Variants in SCARF1 observed in about 807,000 individuals in gnomAD.
The protein encoded by SCARF1 is acetyl LDL receptor.
A neutral mutation model predicts 76.3 loss-of-function variants in SCARF1; 49 were observed. The ratio of observed to expected loss-of-function variants is 0.64; its 90% CI spans 0.51 to 0.81. SCARF1 has a LOEUF of 0.81. Among genes scored for constraint, SCARF1 ranks in the 40% least tolerant of loss-of-function variants. The pLI, the probability that SCARF1 is intolerant of heterozygous loss-of-function variation, is 0.00. For synonymous variants in SCARF1, 495 were observed against 474.6 expected (o/e 1.04, Z -0.56); for missense variants, 1,098 against 1,143.9 (o/e 0.96, Z 0.58).
At chr17:1,639,437 G>A (rs1185821145) in intron 7 of SCARF1, among the ~76,000 whole-genome samples, 2 of 151,840 alleles carry the variant, frequency 1.3e-5, no homozygotes, top group Non-Finnish European at 2.9e-5. Context: ...CCTGGGAGGT[G>A]GAGGTTGCAG....
At position 1,640,522 on chromosome 17, in the gene SCARF1, G is replaced by A. The variant is rs757033579; in HGVS notation, c.936C>T (p.His312=). 14 of 1,596,034 alleles carry A rather than the reference G, an allele frequency of 8.8e-6. No individual in the cohort carries two copies. The Admixed American group carries it at 1.9e-4, about 21-fold the overall frequency. Reference sequence around the variant, plus strand: ...GCTCACAGGCCTCCCCATGTCGGCAGTGAGGGCACTGCTGTTCGCAGCTCT... The same window carrying A: ...GCTCACAGGCCTCCCCATGTCGGCAATGAGGGCACTGCTGTTCGCAGCTCT... ...FGESCEQQCP[H]CRHGEACEPD... The change falls in exon 5 of 11, where the codon CAC becomes CAT. Residue 312 remains histidine (H), a synonymous_variant. Transcript: ENST00000263071. The surrounding 1 kb of genome is among the most constrained non-coding windows in gnomAD (Gnocchi z 4.7).
rs1174255236 is a variant in SCARF1 at position 1,643,752 on chromosome 17, G to A, written c.481C>T (p.Arg161Cys). 1.5e-6 allele frequency: 2 copies of A among 1,292,810 alleles called. No homozygotes were observed. The highest frequency in any genetic ancestry group is 2.0e-6 in the Non-Finnish European group (2 of 1,024,740). 80.1% of individuals were successfully genotyped at this position (1,292,810 alleles called of 1,614,324 possible). The change falls in exon 4 of 11, where the codon CGC becomes TGC. Residue 161 changes from arginine to cysteine, a missense_variant. Arg to Cys is a radical substitution (Grantham distance 180). Transcript: ENST00000263071. Reference sequence around the variant, plus strand: ...GCCGCGGTGTTGCACTGGCACGGGCGGCGGCACGTGGACGACCACCAGCCG... The same window carrying A: ...GCCGCGGTGTTGCACTGGCACGGGCAGCGGCACGTGGACGACCACCAGCCG... The part of the protein sequence containing the change: ...EPGWWSSTCR[R>C]PCQCNTAAAR...
chr17:1,643,351 G>GC (rs1390208139), intron 4 of SCARF1, 91 bp downstream of exon 4: 2 of 62,984 alleles, frequency 3.2e-5, no homozygotes. Context: ...CCCTGTCTCC[G>GC]CCCCGCCCCC....
In SCARF1 at chr17:1,643,736, T is replaced by A; in HGVS notation, c.497A>T (p.Asn166Ile). 2 of 1,317,628 alleles carry A rather than the reference T, an allele frequency of 1.5e-6. No individual in the cohort carries two copies. Among genetic ancestry groups the A allele is most frequent in the East Asian group, 6.3e-5 (2 of 31,660 alleles). 81.6% of individuals were successfully genotyped at this position (1,317,628 alleles called of 1,614,324 possible). A position where few individuals can be genotyped will look rare whatever the true frequency, so the allele number is the denominator to read the frequency against. The change falls in exon 4 of 11, where the codon AAC (asparagine) becomes ATC (isoleucine). Residue 166 changes from asparagine to isoleucine, a missense_variant. Transcript: ENST00000263071. ...CTGCTCGCAGCGCGCCGCCGCGGTG[T>A]TGCACTGGCACGGGCGGCGGCACGT... ...SSTCRRPCQC[N>I]TAAARCEQAT...
At position 1,635,596 on chromosome 17, in the gene SCARF1, G is replaced by C. The variant is rs1432289119; in HGVS notation, c.1655C>G (p.Ala552Gly). The change falls in exon 11 of 11, where the codon GCA becomes GGA. Residue 552 changes from alanine to glycine, a missense_variant. Coordinates refer to ENST00000263071, the MANE Select transcript of SCARF1 (RefSeq NM_003693.4). ...AGCCAGGCTGGCCTCTGACGACCCT[G>C]CCTGGGCCACAGGGACCATCCCTGG... ...PQEGMVPVAQ[A>G]GSSEASLAAG... 6.2e-7 allele frequency: 1 copy of C among 1,603,150 alleles called. No individual in the cohort carries two copies. The highest frequency in any genetic ancestry group is 1.1e-5 in the South Asian group (1 of 91,008).
rs752556105 is a variant in SCARF1 at position 1,644,945 on chromosome 17, ACC to A, written c.164-12_164-11del. On this transcript the variant is annotated splice_polypyrimidine_tract_variant and intron_variant, in intron 2 of 10. Transcript: ENST00000263071. This position sits in a 1 kb window ranked among gnomAD's most constrained non-coding sequence, Gnocchi z 4.8. ...GGCCCCTCACAGATGGCTGAAAGAC[ACC>A]CCACCCAGGTTGGAAAGACGGGAGC... is the stretch of plus-strand genomic sequence containing the variant. 1.1e-5 allele frequency: 17 copies of A among 1,611,756 alleles called. No individual in the cohort carries two copies. The highest frequency in any genetic ancestry group is 1.4e-5 in the Non-Finnish European group (17 of 1,179,324).
At position 1,640,235 on chromosome 17, in the gene SCARF1, G is replaced by T. The variant is rs942266189; in HGVS notation, c.1011-195C>A. The stretch of plus-strand genomic sequence containing the variant: ...GTGACAGACTACAAGTCCCCAGAGG[G>T]CGAGGAGGGCAGGAAGCCTCAGAGG... On this transcript the variant is annotated intron_variant, in intron 5 of 10. Transcript: ENST00000263071. The surrounding 1 kb of genome is among the most constrained non-coding windows in gnomAD (Gnocchi z 4.7). 1 of 776,304 alleles carries T rather than the reference G, an allele frequency of 1.3e-6. No homozygotes were observed. The highest frequency in any genetic ancestry group is 2.0e-6 in the Non-Finnish European group (1 of 495,502). 48.1% of individuals were successfully genotyped at this position (776,304 alleles called of 1,614,324 possible). A position where few individuals can be genotyped will look rare whatever the true frequency, so the allele number is the denominator to read the frequency against.
At position 1,644,505 on chromosome 17, in the gene SCARF1, TCCACTGC is replaced by T. The variant is rs1397327866; in HGVS notation, c.265+322_265+328del. 5.0e-6 allele frequency: 2 copies of T among 398,612 alleles called. No homozygotes were observed. The highest frequency in any genetic ancestry group is 4.5e-6 in the Non-Finnish European group (1 of 220,152). 24.7% of individuals were successfully genotyped at this position (398,612 alleles called of 1,614,324 possible). ...GAGCCCAGCCAGGGGCCCCCTTCCA[TCCACTGC>T]CCATGTATAAGGTATATGTGGGAAA... On this transcript the variant is annotated intron_variant, in intron 3 of 10. Coordinates refer to ENST00000263071, the MANE Select transcript of SCARF1 (RefSeq NM_003693.4). This position sits in a 1 kb window ranked among gnomAD's most constrained non-coding sequence, Gnocchi z 4.8.
Position 1,639,553 on chromosome 17 carries a change from T to G in SCARF1, c.1243+86A>C, listed in dbSNP as rs573575075. ...GAATATCTCTGAAGTGGGCCCAGAC[T>G]CCCTGGTGAGGAACTTGCCCTGGAG... is the stretch of plus-strand genomic sequence containing the variant. On this transcript the variant is annotated intron_variant, in intron 7 of 10. Coordinates refer to ENST00000263071, the MANE Select transcript of SCARF1 (RefSeq NM_003693.4). The G allele has an allele frequency of 6.0e-5, 46 of 769,972 alleles. No individual in the cohort carries two copies. The Admixed American group carries it at 1.0e-3, about 17-fold the overall frequency. 47.7% of individuals were successfully genotyped at this position (769,972 alleles called of 1,614,324 possible). A position where few individuals can be genotyped will look rare whatever the true frequency, so the allele number is the denominator to read the frequency against.
In SCARF1 at chr17:1,636,836, C is replaced by T. The variant is rs1909606742; in HGVS notation, c.1506G>A (p.Glu502=). The change falls in exon 10 of 11, where the codon GAG becomes GAA. Residue 502 remains glutamate (E), a synonymous_variant. Coordinates refer to ENST00000263071, the MANE Select transcript of SCARF1 (RefSeq NM_003693.4). ...CGATGAAGCTGTGGTTGAAGGGGACCTCCGGGTCGTGATGTGAGACTGTAG... is the reference window on the plus strand; with the variant it reads ...CGATGAAGCTGTGGTTGAAGGGGACTTCCGGGTCGTGATGTGAGACTGTAG... ...PWVTVSHHDP[E]VPFNHSFIEP... The T allele has an allele frequency of 2.5e-6, 4 of 1,613,976 alleles. No individual in the cohort carries two copies. The highest frequency in any genetic ancestry group is 3.4e-6 in the Non-Finnish European group (4 of 1,179,974).
chr17:1,644,233 C>A lies in SCARF1; in HGVS notation c.266-266G>T. The A allele has an allele frequency of 2.6e-6, 1 of 381,496 alleles. No individual in the cohort carries two copies. The highest frequency in any genetic ancestry group is 4.6e-6 in the Non-Finnish European group (1 of 215,228). The allele number at this position is 381,496 out of a possible 1,614,324, so 23.6% of individuals were successfully genotyped here. A position where few individuals can be genotyped will look rare whatever the true frequency, so the allele number is the denominator to read the frequency against. ...TCAGAGATCCTGAGTGGGCAGGGGA[C>A]TTGCCCAGAGCGTGGCACCGAGGTT... On this transcript the variant is annotated intron_variant, in intron 3 of 10. Transcript: ENST00000263071. This position sits in a 1 kb window ranked among gnomAD's most constrained non-coding sequence, Gnocchi z 4.8.
Position 1,640,327 on chromosome 17 carries a change from G to T in SCARF1, c.1010+121C>A. The T allele has an allele frequency of 1.0e-6, 1 of 976,036 alleles. No homozygotes were observed. The highest frequency in any genetic ancestry group is 1.5e-6 in the Non-Finnish European group (1 of 660,850). 60.5% of individuals were successfully genotyped at this position (976,036 alleles called of 1,614,324 possible). A position where few individuals can be genotyped will look rare whatever the true frequency, so the allele number is the denominator to read the frequency against. On this transcript the variant is annotated intron_variant, in intron 5 of 10. Transcript: ENST00000263071. This position sits in a 1 kb window ranked among gnomAD's most constrained non-coding sequence, Gnocchi z 4.7. ...TGCTCTCCCCCAGTCTTCAACAGGA[G>T]GGAGGCCCCTGGGGCCGCATGAACC...
rs1181967812 is a variant in SCARF1 at position 1,645,103 on chromosome 17, G to A, written c.163+75C>T. The A allele has an allele frequency of 6.3e-7, 1 of 1,592,422 alleles. No homozygotes were observed. Among genetic ancestry groups the A allele is most frequent in the Non-Finnish European group, 8.6e-7 (1 of 1,163,306 alleles). ...TGGTATCAGGAGGGGCAGGCCCCAT[G>A]GGGTAGGAAGGAAGGGTTGTCACTG... On this transcript the variant is annotated intron_variant, in intron 2 of 10. Coordinates refer to ENST00000263071, the MANE Select transcript of SCARF1 (RefSeq NM_003693.4). The surrounding 1 kb of genome is among the most constrained non-coding windows in gnomAD (Gnocchi z 6.3).
chr17:1,643,989 G>A, intron 3 of SCARF1, 22 bp from the exon 4 acceptor site: 1 of 1,309,936 alleles, frequency 7.6e-7, no homozygotes, highest in South Asian at 2.1e-5. Context: ...GGGACGGGAG[G>A]GGTCAGCGGG....
intron 9 of SCARF1, 23 bp from the exon 10 acceptor site, chr17:1,636,878 G>T: frequency 2.5e-6 from 4 of 1,613,696 alleles, no homozygotes; most frequent in South Asian, 2.2e-5. Context: ...CAGATCAGGC[G>T]CCTGCAGGAC....
Position 1,645,664 on chromosome 17 carries a change from G to T in SCARF1, c.34C>A (p.Leu12Ile), listed in dbSNP as rs1326338881. The part of the protein sequence containing the change: ...GLGLLLPLLL[L>I]WTRGTQGSEL... ...GACCCCTGAGTCCCCCGAGTCCAGA[G>T]CAGCAGCAGCGGGAGCAGCAGCCCC... The change falls in exon 1 of 11, where the codon CTC becomes ATC. Residue 12 changes from leucine (L) to isoleucine (I), a missense_variant. Physicochemically the swap from Leu to Ile is conservative, Grantham distance 5. Transcript: ENST00000263071. This position sits in a 1 kb window ranked among gnomAD's most constrained non-coding sequence, Gnocchi z 6.3. The T allele has an allele frequency of 6.2e-7, 1 of 1,608,158 alleles. No homozygotes were observed.
rs111776396 is a variant in SCARF1, at chr17:1,645,055, G to A, written c.164-120C>T. 3.3e-5 allele frequency: 51 copies of A among 1,524,206 alleles called. No individual in the cohort carries two copies. The highest frequency in any genetic ancestry group is 1.6e-4 in the South Asian group (14 of 86,336). 94.4% of individuals were successfully genotyped at this position (1,524,206 alleles called of 1,614,324 possible). On this transcript the variant is annotated intron_variant, in intron 2 of 10. Coordinates refer to ENST00000263071, the MANE Select transcript of SCARF1 (RefSeq NM_003693.4). The surrounding 1 kb of genome is among the most constrained non-coding windows in gnomAD (Gnocchi z 6.3). ...GGTGCCCCTTCAGGCCTGGGGGTGC[G>A]TCACAGGAGAAACCCTGACTCCTGG...
At position 1,643,423 on chromosome 17, in the gene SCARF1, C is replaced by A. The variant is rs1174915221; in HGVS notation, c.791+19G>T. 36 of 1,190,198 alleles carry A rather than the reference C, an allele frequency of 3.0e-5. No homozygotes were observed. The highest frequency in any genetic ancestry group is 3.5e-5 in the Non-Finnish European group (34 of 959,382). The allele number at this position is 1,190,198 out of a possible 1,614,324, so 73.7% of individuals were successfully genotyped here. ...GCCCCCGCCCCGCCAGCCCACCTGT[C>A]CCCGCCCCGCCCGCTCACCTGTGTG... is the stretch of plus-strand genomic sequence containing the variant. On this transcript the variant is annotated intron_variant, in intron 4 of 10. Coordinates refer to ENST00000263071, the MANE Select transcript of SCARF1 (RefSeq NM_003693.4).
chr17:1,635,504 C>G lies in SCARF1; in HGVS notation c.1747G>C (p.Ala583Pro), dbSNP rs1271735103. ...GAGACCGATGGCCGCTTGGCCCGAG[C>G]TAGGCTGGAGGTGCGCGGGATGGCG... ...PFAIPRTSSL[A>P]RAKRPSVSFA... The change falls in exon 11 of 11, where the codon GCT (alanine) becomes CCT (proline). Residue 583 changes from alanine to proline, a missense_variant. By Grantham distance (27) the Ala-to-Pro change is conservative. Coordinates refer to ENST00000263071, the MANE Select transcript of SCARF1 (RefSeq NM_003693.4). 3 of 1,613,836 alleles carry G rather than the reference C, an allele frequency of 1.9e-6. No homozygotes were observed. In the South Asian group the frequency reaches 3.3e-5, roughly 18 times the overall value.
Sources: allele counts gnomAD v4.1 joint callset (sites outside exome capture counted in the v4.1 genomes callset), GRCh38; gene constraint gnomAD v4.1.1; non-coding constraint Gnocchi (gnomAD v3.1); transcripts MANE v1.5; gene names NCBI Gene and HGNC (gene_info 2026-07-23, HGNC 2026-07-21).